Variants in PRORP observed in about 807,000 individuals in gnomAD.
PRORP encodes protein only RNase P catalytic subunit.
In PRORP, 51 loss-of-function variants were observed where a neutral mutation model predicts 59.4. That is an observed-to-expected ratio of 0.86 (90% confidence interval 0.69 to 1.08). PRORP has a LOEUF of 1.08. PRORP is among the 50% of genes least tolerant of loss of function. The pLI is 0.00. For synonymous variants in PRORP, 231 were observed against 245.6 expected (o/e 0.94, Z 0.55); for missense variants, 646 against 690.3 (o/e 0.94, Z 0.72).
intron 5 of PRORP, among the ~76,000 whole-genome samples, chr14:35,191,684 C>T (rs1445982212): frequency 2.0e-5 from 3 of 152,146 alleles, no homozygotes; most frequent in Non-Finnish European, 4.4e-5. Flanking sequence ...GCCTGGACAA[C>T]AGTCTCAAAA....
At chr14:35,264,874 A>C (rs1038780143) in intron 5 of PRORP, among the ~76,000 whole-genome samples, 7 of 152,132 alleles carry the variant, frequency 4.6e-5, no homozygotes. Flanking sequence ...CCTACTCTGG[A>C]AGTGCCACCA....
chr14:35,215,222 A>T (rs752253634), intron 5 of PRORP, among the ~76,000 whole-genome samples: 4 of 152,176 alleles, frequency 2.6e-5, no homozygotes, highest in Non-Finnish European at 5.9e-5. Flanking sequence ...TGATTCAAGC[A>T]GGTTGCCTGT....
chr14:35,128,281 T>G (rs2047147793), intron 4 of PRORP, among the ~76,000 whole-genome samples: 1 of 150,978 alleles, frequency 6.6e-6, no homozygotes, highest in East Asian at 1.9e-4. Context: ...GTTTTTTGTT[T>G]TTTTTTTGTT....
chr14:35,142,156 G>A (rs113739120), intron 4 of PRORP, among the ~76,000 whole-genome samples: 30,014 of 142,588 alleles, frequency 0.21, 5,754 homozygotes, highest in Middle Eastern at 0.35. Context: ...TGGGATTACA[G>A]GCGTGAGCCA....
At chr14:35,241,547 G>T (rs2050369611) in intron 5 of PRORP, among the ~76,000 whole-genome samples, 1 of 152,124 alleles carries the variant, frequency 6.6e-6, no homozygotes, top group African/African-American at 2.4e-5. Context: ...TGTTGCTGAA[G>T]TCTAATAATT....
chr14:35,230,938 A>AACACACACAC (rs60270535), intron 5 of PRORP, among the ~76,000 whole-genome samples: 2,453 of 144,528 alleles, frequency 0.017, 27 homozygotes, highest in Admixed American at 0.023. Flanking sequence ...AGGAAAAGAG[A>AACACACACAC]ACACACACAC....
chr14:35,247,298 C>T (rs1023087128), intron 5 of PRORP, among the ~76,000 whole-genome samples: 1 of 152,100 alleles, frequency 6.6e-6, no homozygotes, highest in African/African-American at 2.4e-5. Context: ...TAAGGTGTCT[C>T]TCCCTCCCTC....
At chr14:35,134,046 C>T (rs1193447500) in intron 4 of PRORP, among the ~76,000 whole-genome samples, 1 of 152,200 alleles carries the variant, frequency 6.6e-6, no homozygotes, top group Non-Finnish European at 1.5e-5. Flanking sequence ...GCCAGCCAGG[C>T]CTGTGTTCTT....
chr14:35,247,578 C>A (rs145480993), intron 5 of PRORP, among the ~76,000 whole-genome samples: 126 of 152,210 alleles, frequency 8.3e-4, no homozygotes, highest in Middle Eastern at 3.4e-3. Flanking sequence ...TGAAATGGAG[C>A]CCTTTGATCC....
intron 5 of PRORP, among the ~76,000 whole-genome samples, chr14:35,264,446 C>G (rs547448802): frequency 6.6e-6 from 1 of 150,966 alleles, no homozygotes; most frequent in African/African-American, 2.4e-5. Flanking sequence ...TTAATAGAGA[C>G]GAGGTCTTGC....
At chr14:35,165,909 G>A (rs917584083) in intron 4 of PRORP, among the ~76,000 whole-genome samples, 1 of 151,918 alleles carries the variant, frequency 6.6e-6, no homozygotes, top group African/African-American at 2.4e-5. Flanking sequence ...TGAACTCCTG[G>A]CCTCAATGGA....
intron 5 of PRORP, among the ~76,000 whole-genome samples, chr14:35,251,547 T>C (rs942792798): frequency 1.2e-4 from 19 of 152,126 alleles, no homozygotes; most frequent in African/African-American, 4.3e-4. Flanking sequence ...ATGTTGTTTA[T>C]ATTTTTGGGT....
chr14:35,186,432 G>A (rs1404865702), intron 5 of PRORP, among the ~76,000 whole-genome samples: 2 of 151,280 alleles, frequency 1.3e-5, no homozygotes, highest in East Asian at 3.9e-4. Context: ...GGTTTTTACT[G>A]TATTCACAAA....
intron 5 of PRORP, chr14:35,235,478 A>G (rs2138514879): frequency 4.7e-6 from 3 of 633,692 alleles, no homozygotes; most frequent in East Asian, 3.3e-5. Context: ...GAAGACAACT[A>G]GCTTGATGGG....
At position 35,191,947 on chromosome 14, in the gene PRORP, CA is replaced by C. The variant is rs552863949; in HGVS notation, c.1275+11174del. On this transcript the variant is annotated intron_variant, in intron 5 of 7. Coordinates refer to ENST00000534898, the MANE Select transcript of PRORP (RefSeq NM_014672.4). ...ACAAGTTTTCTTGGTTTTAACCCCCCAAAATATCCCATAGTCTAGTCACTTC... is the reference window on the plus strand; with the variant it reads ...ACAAGTTTTCTTGGTTTTAACCCCCCAAATATCCCATAGTCTAGTCACTTC... Among the ~76,000 whole-genome samples, 288 of 151,430 alleles carry C rather than the reference CA, an allele frequency of 1.9e-3. 1 individual carries two copies. The highest frequency in any genetic ancestry group is 6.6e-3 in the African/African-American group (271 of 40,798).
rs2047013362 is a variant in PRORP at position 35,123,838 on chromosome 14, T to C, written c.593T>C (p.Phe198Ser). The stretch of plus-strand genomic sequence containing the variant: ...CAGACATCTGAAGTTATTGATGTCT[T>C]TGAAATTATGAAAGCCAGATATAAG... ...HMQTSEVIDVFEIMKARYKTL... is the reference protein window; with the variant it reads ...HMQTSEVIDVSEIMKARYKTL... The change falls in exon 2 of 8, where the codon TTT (phenylalanine) becomes TCT (serine). Residue 198 changes from phenylalanine to serine, a missense_variant. By Grantham distance (155) the Phe-to-Ser change is radical. Transcript: ENST00000534898. 1 of 1,613,976 alleles carries C rather than the reference T, an allele frequency of 6.2e-7. No individual in the cohort carries two copies. Among genetic ancestry groups the C allele is most frequent in the African/African-American group, 1.3e-5 (1 of 74,910 alleles).
chr14:35,164,380 A>G (rs1467847836), intron 4 of PRORP, among the ~76,000 whole-genome samples: 3 of 152,258 alleles, frequency 2.0e-5, no homozygotes, highest in African/African-American at 7.2e-5. Flanking sequence ...AAGACGTGGA[A>G]TCAACCTAGT....
intron 5 of PRORP, among the ~76,000 whole-genome samples, chr14:35,187,094 T>C (rs2048760380): frequency 1.3e-5 from 2 of 152,228 alleles, no homozygotes; most frequent in Admixed American, 1.3e-4. Flanking sequence ...ACTTCTTGGC[T>C]ATTATGAGTA....
rs115018994 is a variant in PRORP, at chr14:35,209,313, G to A, written c.1275+28536G>A. Among the ~76,000 whole-genome samples the A allele has an allele frequency of 3.3e-3, 507 of 152,236 alleles. 2 individuals carry two copies. Among genetic ancestry groups the A allele is most frequent in the African/African-American group, 0.011 (469 of 41,532 alleles). On this transcript the variant is annotated intron_variant, in intron 5 of 7. Coordinates refer to ENST00000534898, the MANE Select transcript of PRORP (RefSeq NM_014672.4). Reference sequence around the variant, plus strand: ...GTAATATGTAGCTAGTGGCTTCCACGTTGGACAGCAGTTCTAGACCTTCAA... The same window carrying A: ...GTAATATGTAGCTAGTGGCTTCCACATTGGACAGCAGTTCTAGACCTTCAA...
Sources: allele counts gnomAD v4.1 joint callset (sites outside exome capture counted in the v4.1 genomes callset), GRCh38; gene constraint gnomAD v4.1.1; transcripts MANE v1.5; gene names NCBI Gene and HGNC (gene_info 2026-07-23, HGNC 2026-07-21).